The following BTBD9 variants were observed in gnomAD, a reference collection of about 807,000 sequenced individuals.
BTBD9 encodes the protein BTB/POZ domain-containing protein 9.
A neutral mutation model predicts 64.3 loss-of-function variants in BTBD9; 49 were observed. The ratio of observed to expected loss-of-function variants is 0.76; its 90% CI spans 0.61 to 0.97. The LOEUF (loss-of-function observed/expected upper bound fraction) is 0.97, where lower values mean the gene tolerates loss of function less well. Ranked by LOEUF, BTBD9 falls within the 50% of genes least tolerant of loss-of-function variation. The pLI is 0.00. For synonymous variants in BTBD9, 260 were observed against 274.7 expected, an observed-to-expected ratio of 0.95 and a Z score of 0.53; for missense variants, 598 against 762.1, an observed-to-expected ratio of 0.78 and a Z score of 2.53.
chr6:38,572,242 A>C (rs1231443043), intron 6 of BTBD9, among the ~76,000 whole-genome samples: 1 of 152,162 alleles, frequency 6.6e-6, no homozygotes, highest in Non-Finnish European at 1.5e-5. Flanking sequence ...AATCTTCTTC[A>C]GTGTTGTGGC....
chr6:38,175,006 G>A lies in BTBD9; in HGVS notation c.1818C>T (p.Ser606=), dbSNP rs1428582545. Residue 606 remains serine (S), a synonymous_variant, in exon 11 of 11, where the codon TCC becomes TCT. Coordinates refer to ENST00000481247, the MANE Select transcript of BTBD9 (RefSeq NM_001099272.2). The stretch of plus-strand genomic sequence containing the variant: ...TCCTTTATTGGTGCTGCCGGTTGGG[G>A]GAGCGTGAGTTGGAGCCTGGGCTGG... ...LPSSPGSNSR[S]PNRQHQ The A allele has an allele frequency of 3.7e-6, 6 of 1,614,024 alleles. No individual in the cohort carries two copies. The highest frequency in any genetic ancestry group is 1.1e-5 in the South Asian group (1 of 91,084).
In BTBD9 at chr6:38,214,432, G is replaced by C. The variant is rs1268721881; in HGVS notation, c.1563-21835C>G. On this transcript the variant is annotated intron_variant, in intron 9 of 10. Coordinates refer to ENST00000481247, the MANE Select transcript of BTBD9 (RefSeq NM_001099272.2). ...GACAGGACAGGTGACAAGGGCATAT[G>C]TTAAGTACATACATTAAGTTAAATA... Among the ~76,000 whole-genome samples, 6 of 152,260 alleles carry C rather than the reference G, an allele frequency of 3.9e-5. No individual in the cohort carries two copies. The East Asian group carries it at 1.2e-3, about 29-fold the overall frequency.
intron 1 of BTBD9, among the ~76,000 whole-genome samples, chr6:38,624,681 C>G (rs1235671073): frequency 6.8e-6 from 1 of 147,006 alleles, no homozygotes; most frequent in Admixed American, 6.7e-5. Flanking sequence ...ACCCCCCATC[C>G]AGAAAAAAAA....
intron 1 of BTBD9, among the ~76,000 whole-genome samples, chr6:38,601,913 A>G (rs535660976): frequency 1.4e-3 from 216 of 152,318 alleles, no homozygotes; most frequent in African/African-American, 4.9e-3. Flanking sequence ...ACTAGCTAGA[A>G]AATATTAGTA....
chr6:38,188,989 T>C (rs1761938356), intron 10 of BTBD9, among the ~76,000 whole-genome samples: 1 of 152,138 alleles, frequency 6.6e-6, no homozygotes, highest in Non-Finnish European at 1.5e-5. Context: ...TGTGTTACTT[T>C]AGCCAACAGA....
chr6:38,599,145 G>C (rs750000555), intron 1 of BTBD9, among the ~76,000 whole-genome samples: 1 of 152,056 alleles, frequency 6.6e-6, no homozygotes, highest in Admixed American at 6.6e-5. Context: ...CACCTTCCTT[G>C]CTTTTGTATA....
chr6:38,273,364 T>C (rs1765258922), intron 8 of BTBD9, among the ~76,000 whole-genome samples: 1 of 152,154 alleles, frequency 6.6e-6, no homozygotes, highest in South Asian at 2.1e-4. Flanking sequence ...TTTGATTTGA[T>C]AACTGAGATG....
intron 7 of BTBD9, among the ~76,000 whole-genome samples, chr6:38,333,582 A>T (rs971159780): frequency 3.7e-4 from 56 of 152,158 alleles, no homozygotes; most frequent in Non-Finnish European, 6.9e-4. Context: ...GTTGTCTGAA[A>T]GTGTGTAGCA....
intron 7 of BTBD9, among the ~76,000 whole-genome samples, chr6:38,327,243 G>A (rs1360060465): frequency 6.6e-6 from 1 of 152,100 alleles, no homozygotes; most frequent in East Asian, 1.9e-4. Flanking sequence ...ATATTAACGA[G>A]CCAATAAATT....
At chr6:38,317,814 G>C (rs922078478) in intron 7 of BTBD9, among the ~76,000 whole-genome samples, 2 of 151,516 alleles carry the variant, frequency 1.3e-5, no homozygotes, top group African/African-American at 4.9e-5. Flanking sequence ...TATGTCCATT[G>C]CATTTTTCAA....
intron 6 of BTBD9, among the ~76,000 whole-genome samples, chr6:38,567,909 T>C (rs73412330): frequency 0.016 from 2,456 of 152,132 alleles, 65 homozygotes; most frequent in African/African-American, 0.055. Flanking sequence ...AATAGCAGTG[T>C]TAAAAGGGTA....
intron 1 of BTBD9, among the ~76,000 whole-genome samples, chr6:38,614,139 G>GT (rs1777710596): frequency 6.6e-6 from 1 of 152,124 alleles, no homozygotes; most frequent in African/African-American, 2.4e-5. Flanking sequence ...GGAACTTCTT[G>GT]TATTCTCCTT....
Position 38,598,240 on chromosome 6 carries a change from G to A in BTBD9, c.-27-119C>T, listed in dbSNP as rs994807470. On this transcript the variant is annotated intron_variant, in intron 1 of 10. Transcript: ENST00000481247. ...TGCTTAGAAAAATTCCTATGAGAGAGTTAATCAATGGTATCCTTATTAACC... is the reference window on the plus strand; with the variant it reads ...TGCTTAGAAAAATTCCTATGAGAGAATTAATCAATGGTATCCTTATTAACC... 7.1e-6 allele frequency: 5 copies of A among 699,316 alleles called. No homozygotes were observed. In the South Asian group the frequency reaches 1.1e-4, roughly 15 times the overall value. The allele number at this position is 699,316 out of a possible 1,614,324, so 43.3% of individuals were successfully genotyped here. A position where few individuals can be genotyped will look rare whatever the true frequency, so the allele number is the denominator to read the frequency against.
intron 7 of BTBD9, among the ~76,000 whole-genome samples, chr6:38,292,150 C>T (rs896942032): frequency 2.0e-5 from 3 of 151,550 alleles, no homozygotes; most frequent in Non-Finnish European, 2.9e-5. Context: ...TTTTAGTAGA[C>T]ACGGGGTTTC....
Position 38,192,999 on chromosome 6 carries a change from T to C in BTBD9, c.1563-402A>G, listed in dbSNP as rs552618345. On this transcript the variant is annotated intron_variant, in intron 9 of 10. Transcript: ENST00000481247. Reference sequence around the variant, plus strand: ...GCAGCACACCAGCATGGCACATGTATGCATATGTGACAGGCCTGCACGTTG... The same window carrying C: ...GCAGCACACCAGCATGGCACATGTACGCATATGTGACAGGCCTGCACGTTG... Among the ~76,000 whole-genome samples the C allele has an allele frequency of 5.3e-5, 8 of 151,994 alleles. 1 individual carries two copies. In the South Asian group the frequency reaches 1.7e-3, roughly 32 times the overall value.
intron 6 of BTBD9, among the ~76,000 whole-genome samples, chr6:38,535,504 A>G (rs569861038): frequency 2.6e-5 from 4 of 152,234 alleles, no homozygotes; most frequent in Admixed American, 6.5e-5. Context: ...AGAAATTACA[A>G]TCCTAAAGTT....
chr6:38,357,334 A>C (rs1318142739), intron 6 of BTBD9, among the ~76,000 whole-genome samples: 2 of 152,072 alleles, frequency 1.3e-5, no homozygotes, highest in Non-Finnish European at 2.9e-5. Flanking sequence ...GTCATTTACC[A>C]CTTGTTCATC....
At chr6:38,354,486 G>A (rs1764640734) in intron 6 of BTBD9, among the ~76,000 whole-genome samples, 1 of 152,046 alleles carries the variant, frequency 6.6e-6, no homozygotes, top group Non-Finnish European at 1.5e-5. Context: ...TTCAAAGCTC[G>A]ACAGAACATA....
intron 6 of BTBD9, among the ~76,000 whole-genome samples, chr6:38,384,508 A>G (rs768977299): frequency 5.9e-5 from 9 of 152,336 alleles, no homozygotes; most frequent in Non-Finnish European, 1.0e-4. Flanking sequence ...TGCTTAGTTC[A>G]TACAGAAGTT....
Sources: allele counts gnomAD v4.1 joint callset (sites outside exome capture counted in the v4.1 genomes callset), GRCh38; gene constraint gnomAD v4.1.1; transcripts MANE v1.5; gene names NCBI Gene and HGNC (gene_info 2026-07-23, HGNC 2026-07-21).